MGST1: variants seen among roughly 807,000 people sequenced by gnomAD.
MGST1 encodes glutathione S-transferase 12.
A neutral mutation model predicts 8.9 loss-of-function variants in MGST1; 5 were observed. That is an observed-to-expected ratio of 0.56 (90% CI 0.29 to 1.19). MGST1 has a LOEUF of 1.19. Among genes scored for constraint, MGST1 ranks in the 50% most tolerant of loss-of-function variants. The pLI is 0.08. For missense variants in MGST1, 182 were observed against 187.4 expected (o/e 0.97, Z 0.17); for synonymous variants, 54 against 67.8 (o/e 0.80, Z 1.00).
intron 4 of MGST1, among the ~76,000 whole-genome samples, chr12:16,545,608 T>G (rs932963930): frequency 2.6e-5 from 4 of 152,070 alleles, no homozygotes; most frequent in African/African-American, 9.7e-5. Flanking sequence ...ATGCTGAAAC[T>G]CGCAACTTTT....
intron 4 of MGST1, among the ~76,000 whole-genome samples, chr12:16,535,203 G>C (rs912465383): frequency 6.6e-5 from 10 of 152,114 alleles, no homozygotes; most frequent in African/African-American, 2.4e-4. Context: ...CCACTCTTCA[G>C]CTTTACCAAT....
intron 4 of MGST1, among the ~76,000 whole-genome samples, chr12:16,531,593 G>T (rs889088108): frequency 6.6e-6 from 1 of 152,122 alleles, no homozygotes; most frequent in Admixed American, 6.6e-5. Context: ...ACTCCAGCCT[G>T]CATGACAGAG....
chr12:16,566,007 TATATATATA>T (rs2137383963), intron 4 of MGST1, among the ~76,000 whole-genome samples: 1 of 63,136 alleles, frequency 1.6e-5, no homozygotes, highest in Non-Finnish European at 3.1e-5. Context: ...TATATATATA[TATATATATA>T]TATATATATA....
rs1173651777 is a variant in MGST1 at position 16,452,504 on chromosome 12, A to G, written n.482+68900A>G. ...AGAACTCAAAGCTCGCAATATTATTACTACTAAAGAATACAACAGAGAACT... is the reference window on the plus strand; with the variant it reads ...AGAACTCAAAGCTCGCAATATTATTGCTACTAAAGAATACAACAGAGAACT... On this transcript the variant is annotated intron_variant and non_coding_transcript_variant, in intron 4 of 4. Coordinates refer to the MGST1 transcript ENST00000538857. Among the ~76,000 whole-genome samples, 3 of 151,850 alleles carry G rather than the reference A, an allele frequency of 2.0e-5. No homozygotes were observed. In the East Asian group the frequency reaches 5.8e-4, roughly 29 times the overall value.
chr12:16,558,174 T>C (rs1324050443), intron 4 of MGST1, among the ~76,000 whole-genome samples: 1 of 152,058 alleles, frequency 6.6e-6, no homozygotes, highest in Non-Finnish European at 1.5e-5. Flanking sequence ...TTTGCTTAAA[T>C]GTGAGTGTAA....
chr12:16,380,529 C>A (rs996345278), downstream of MGST1, among the ~76,000 whole-genome samples: 1 of 152,042 alleles, frequency 6.6e-6, no homozygotes, highest in African/African-American at 2.4e-5. Flanking sequence ...AATTTCTGTT[C>A]TTTTACATTT....
At position 16,364,186 on chromosome 12, in the gene MGST1, C is replaced by G. The variant is rs1328869645; in HGVS notation, c.*145C>G. The G allele has an allele frequency of 8.9e-6, 12 of 1,349,554 alleles. No individual in the cohort carries two copies. The highest frequency in any genetic ancestry group is 1.1e-5 in the Non-Finnish European group (12 of 1,049,162). The allele number at this position is 1,349,554 out of a possible 1,614,324, so 83.6% of individuals were successfully genotyped here. A position where few individuals can be genotyped will look rare whatever the true frequency, so the allele number is the denominator to read the frequency against. The stretch of plus-strand genomic sequence containing the variant: ...AACCCATTTTGAATATTAGCATTGC[C>G]AATATCCTGTATTCTTGTTTTACAT... On this transcript the variant is annotated 3_prime_UTR_variant, in exon 4 of 4. Transcript: ENST00000396210. This position sits in a 1 kb window ranked among gnomAD's most constrained non-coding sequence, Gnocchi z 5.7.
In MGST1 at chr12:16,447,518, T is replaced by C. The variant is rs550245623; in HGVS notation, n.482+63914T>C. On this transcript the variant is annotated intron_variant and non_coding_transcript_variant, in intron 4 of 4. Transcript: ENST00000538857. ...GGAAGGATGCACTATCTCTGCAGGA[T>C]CTAAGGATTTAGAAAACTTTGGGGA... is the stretch of plus-strand genomic sequence containing the variant. Among the ~76,000 whole-genome samples, 47 of 152,018 alleles carry C rather than the reference T, an allele frequency of 3.1e-4. 2 individuals carry two copies. The highest frequency in any genetic ancestry group is 6.2e-4 in the South Asian group (3 of 4,820).
chr12:16,354,467 A>G, intron 2 of MGST1, 89 bp downstream of exon 2: 1 of 1,305,264 alleles, frequency 7.7e-7, no homozygotes, highest in Non-Finnish European at 1.1e-6. Flanking sequence ...TATTTTTGGT[A>G]AAGCCCAATA....
rs1300667269 is a variant in MGST1 at position 16,482,918 on chromosome 12, C to T, written n.482+99314C>T. 6.6e-6 allele frequency among the ~76,000 whole-genome samples: 1 copy of T among 152,180 alleles called. No individual in the cohort carries two copies. Among genetic ancestry groups the T allele is most frequent in the Non-Finnish European group, 1.5e-5 (1 of 68,028 alleles). On this transcript the variant is annotated intron_variant and non_coding_transcript_variant, in intron 4 of 4. Coordinates refer to the MGST1 transcript ENST00000538857. This position sits in a 1 kb window ranked among gnomAD's most constrained non-coding sequence, Gnocchi z 4.2. ...TCCTTTATTGCAACTTCATGACGTG[C>T]TCTGGCTCAAATAATTCATGAGTCC...
chr12:16,358,371 G>A (rs1483590142), intron 3 of MGST1, among the ~76,000 whole-genome samples: 1 of 152,060 alleles, frequency 6.6e-6, no homozygotes, highest in Non-Finnish European at 1.5e-5. Flanking sequence ...CCACTTATAG[G>A]TGAGAACTTG....
At chr12:16,536,093 G>A (rs1591754470) in intron 4 of MGST1, among the ~76,000 whole-genome samples, 1 of 151,354 alleles carries the variant, frequency 6.6e-6, no homozygotes, top group Non-Finnish European at 1.5e-5. Flanking sequence ...GTGTGTGTGT[G>A]TGTGTGTGTG....
chr12:16,522,078 C>G (rs1412571767), intron 4 of MGST1, among the ~76,000 whole-genome samples: 3 of 152,266 alleles, frequency 2.0e-5, no homozygotes, highest in Middle Eastern at 6.8e-3. Flanking sequence ...ATGAGAGGCG[C>G]TTCATGCTGA....
chr12:16,406,214 A>C (rs1031834461), intron 1 of MGST1, among the ~76,000 whole-genome samples: 4 of 152,160 alleles, frequency 2.6e-5, no homozygotes, highest in Admixed American at 2.6e-4. Flanking sequence ...ACCTCAGCAA[A>C]ATTTCAGGAT....
chr12:16,376,779 C>T (rs1940387047), exon 4 of MGST1: 1 of 151,550 alleles, frequency 6.6e-6, no homozygotes, highest in African/African-American at 2.4e-5. Flanking sequence ...AAAAAAGAGC[C>T]TGTTTTTAAA....
rs1328329641 is a variant in MGST1, at chr12:16,361,166, C to A, written c.222-2629C>A. Among the ~76,000 whole-genome samples the A allele has an allele frequency of 6.6e-6, 1 of 152,186 alleles. No individual in the cohort carries two copies. The highest frequency in any genetic ancestry group is 2.4e-5 in the African/African-American group (1 of 41,436). On this transcript the variant is annotated intron_variant, in intron 3 of 3. Transcript: ENST00000396210. The surrounding 1 kb of genome is among the most constrained non-coding windows in gnomAD (Gnocchi z 4.2). ...AAATTCCTTTGTGAGAATGTGAACA[C>A]ATGGCTGGCTATGTGCTGAGGGTGA...
At chr12:16,444,655 G>A (rs1941065545) in intron 4 of MGST1, among the ~76,000 whole-genome samples, 1 of 151,832 alleles carries the variant, frequency 6.6e-6, no homozygotes, top group Non-Finnish European at 1.5e-5. Context: ...GTTTCACATG[G>A]CCATAGGCAT....
At chr12:16,392,649 A>C (rs1054293314) in intron 1 of MGST1, among the ~76,000 whole-genome samples, 12 of 152,250 alleles carry the variant, frequency 7.9e-5, no homozygotes, top group African/African-American at 2.2e-4. Context: ...TTATAGTCTT[A>C]TAGTCATTTT....
intron 4 of MGST1, among the ~76,000 whole-genome samples, chr12:16,480,480 A>C (rs1357211344): frequency 6.6e-6 from 1 of 152,160 alleles, no homozygotes; most frequent in Non-Finnish European, 1.5e-5. Flanking sequence ...AGAAAATCAG[A>C]ATACAAGCCA....
Sources: allele counts gnomAD v4.1 joint callset (sites outside exome capture counted in the v4.1 genomes callset), GRCh38; gene constraint gnomAD v4.1.1; non-coding constraint Gnocchi (gnomAD v3.1); transcripts MANE v1.5; gene names NCBI Gene and HGNC (gene_info 2026-07-23, HGNC 2026-07-21).